DNAH14: variants seen among roughly 807,000 people sequenced by gnomAD.
DNAH14 encodes the protein axonemal beta dynein heavy chain 14.
Under a neutral mutation model 520.9 loss-of-function variants are expected in DNAH14, and 478 were observed. That is an observed-to-expected ratio of 0.92 (90% CI 0.85 to 0.99). DNAH14 has a LOEUF of 0.99. Among genes scored for constraint, DNAH14 ranks in the 50% least tolerant of loss-of-function variants. The pLI is 0.00. For missense variants in DNAH14, 4,831 were observed against 5,234.5 expected (o/e 0.92, Z 2.38); for synonymous variants, 1,581 against 1,757.2 (o/e 0.90, Z 2.51).
rs981411847 is a variant in DNAH14, at chr1:225,388,627, T to G, written c.13190+136T>G. On this transcript the variant is annotated intron_variant, in intron 82 of 85. Coordinates refer to ENST00000682510, the MANE Select transcript of DNAH14 (RefSeq NM_001367479.1). ...ATTAAGCAAGGGAGGGATTCTTATC[T>G]TCTGTTTGAGCTGAGAAAGTGGGGA... The G allele has an allele frequency of 1.3e-5, 7 of 533,336 alleles. 1 individual carries two copies. The highest frequency in any genetic ancestry group is 2.0e-5 in the Non-Finnish European group (6 of 299,894). 33.0% of individuals were successfully genotyped at this position (533,336 alleles called of 1,614,324 possible).
intron 41 of DNAH14, among the ~76,000 whole-genome samples, chr1:225,216,654 A>G (rs1345326585): frequency 6.6e-5 from 10 of 151,986 alleles, no homozygotes; most frequent in Admixed American, 6.6e-4. Context: ...TTGATCTTCA[A>G]TCAGTTATAC....
In DNAH14 at chr1:225,034,061, C is replaced by T. The variant is rs146901321; in HGVS notation, c.1359-4633C>T. 7.0e-3 allele frequency among the ~76,000 whole-genome samples: 1,062 copies of T among 152,268 alleles called. 8 individuals carry two copies. The highest frequency in any genetic ancestry group is 0.024 in the African/African-American group (994 of 41,552). ...ATTTGGATGCACTTTATTTCTTTCTCTTGCCTGATTGCTCTGGCCAGAACT... is the reference window on the plus strand; with the variant it reads ...ATTTGGATGCACTTTATTTCTTTCTTTTGCCTGATTGCTCTGGCCAGAACT... On this transcript the variant is annotated intron_variant, in intron 11 of 85. Coordinates refer to ENST00000682510, the MANE Select transcript of DNAH14 (RefSeq NM_001367479.1).
rs560245762 is a variant in DNAH14 at position 225,129,142 on chromosome 1, A to G, written c.4254+5528A>G. On this transcript the variant is annotated intron_variant, in intron 27 of 85. Coordinates refer to ENST00000682510, the MANE Select transcript of DNAH14 (RefSeq NM_001367479.1). Reference sequence around the variant, plus strand: ...GAAGGACCTCTTCAAGGAGAACTACAAACCACTGCTCAATGAAATAAAAGA... The same window carrying G: ...GAAGGACCTCTTCAAGGAGAACTACGAACCACTGCTCAATGAAATAAAAGA... Among the ~76,000 whole-genome samples the G allele has an allele frequency of 9.0e-4, 137 of 152,056 alleles. No individual in the cohort carries two copies. The Middle Eastern group carries it at 0.031, about 34-fold the overall frequency.
chr1:225,354,975 G>A (rs143455356), intron 73 of DNAH14, among the ~76,000 whole-genome samples: 1 of 152,226 alleles, frequency 6.6e-6, no homozygotes, highest in African/African-American at 2.4e-5. Context: ...GTTTTGTTTG[G>A]TTTTTTACAA....
chr1:225,246,100 C>A (rs2092264999), intron 43 of DNAH14, among the ~76,000 whole-genome samples: 2 of 131,802 alleles, frequency 1.5e-5, no homozygotes, highest in Admixed American at 1.7e-4. Flanking sequence ...CTTCGACAAA[C>A]CTGGCAAAAA....
Position 225,109,033 on chromosome 1 carries a change from G to A in DNAH14, c.3867+8149G>A, listed in dbSNP as rs151087966. Among the ~76,000 whole-genome samples the A allele has an allele frequency of 5.7e-3, 867 of 152,164 alleles. 11 individuals carry two copies. Among genetic ancestry groups the A allele is most frequent in the African/African-American group, 0.019 (801 of 41,528 alleles). ...AAAAATGAGTTCACTGTAGATGTAC[G>A]GATTCGTTTCTGGATTTCTCATTCT... On this transcript the variant is annotated intron_variant, in intron 23 of 85. Transcript: ENST00000682510.
At chr1:225,195,718 G>A (rs1399899478) in intron 38 of DNAH14, among the ~76,000 whole-genome samples, 1 of 151,566 alleles carries the variant, frequency 6.6e-6, no homozygotes, top group African/African-American at 2.4e-5. Flanking sequence ...ATAGAAAATC[G>A]ATAGAAAAAT....
At chr1:225,324,094 G>T in intron 62 of DNAH14, 128 bp from the exon 63 acceptor site, 1 of 1,177,726 alleles carries the variant, frequency 8.5e-7, no homozygotes, top group South Asian at 1.6e-5. Flanking sequence ...GGGTTTATAG[G>T]CATGAGCCGC....
At chr1:225,239,675 T>A (rs961874840) in intron 42 of DNAH14, among the ~76,000 whole-genome samples, 1 of 152,220 alleles carries the variant, frequency 6.6e-6, no homozygotes, top group African/African-American at 2.4e-5. Context: ...TTGTTTAGCA[T>A]TAATTTTCCT....
At chr1:225,377,019 A>G (rs1231558136) in intron 78 of DNAH14, among the ~76,000 whole-genome samples, 1 of 151,756 alleles carries the variant, frequency 6.6e-6, no homozygotes, top group African/African-American at 2.4e-5. Context: ...ATACATGCAT[A>G]TCATATGCAC....
intron 11 of DNAH14, among the ~76,000 whole-genome samples, chr1:225,025,364 C>T (rs1348019460): frequency 6.6e-6 from 1 of 151,108 alleles, no homozygotes; most frequent in Non-Finnish European, 1.5e-5. Flanking sequence ...TTTGTGGAGT[C>T]AGACCACATG....
intron 21 of DNAH14, among the ~76,000 whole-genome samples, chr1:225,094,818 CA>C (rs140729760): frequency 7.2e-3 from 661 of 91,180 alleles, no homozygotes; most frequent in Middle Eastern, 0.013. Context: ...CATTTACAGG[CA>C]AAAAAAAAAA....
At chr1:224,929,662 G>A (rs1571805421), upstream of DNAH14, 1 of 702,358 alleles carries the variant, frequency 1.4e-6, no homozygotes, top group South Asian at 1.5e-5. Flanking sequence ...CCAGGGCGCA[G>A]GCGTGGCTCT....
At chr1:224,994,590 A>C (rs556200714) in intron 8 of DNAH14, among the ~76,000 whole-genome samples, 1 of 152,154 alleles carries the variant, frequency 6.6e-6, no homozygotes, top group Non-Finnish European at 1.5e-5. Context: ...AGTGTCTTGC[A>C]GGCAGCCTAT....
intron 22 of DNAH14, among the ~76,000 whole-genome samples, chr1:225,098,775 A>T (rs1017017703): frequency 1.3e-5 from 2 of 152,220 alleles, no homozygotes; most frequent in Non-Finnish European, 1.5e-5. Context: ...ACTACCTTTT[A>T]CTAAAGATTA....
At chr1:225,180,614 G>A (rs1046328967) in intron 36 of DNAH14, among the ~76,000 whole-genome samples, 8 of 152,030 alleles carry the variant, frequency 5.3e-5, no homozygotes, top group Non-Finnish European at 8.8e-5. Flanking sequence ...TCACCCCTGA[G>A]GGAAGGCATT....
rs1260901466 is a variant in DNAH14 at position 225,392,394 on chromosome 1, T to A, written c.13434T>A (p.Asp4478Glu). Residue 4478 changes from aspartate (D) to glutamate (E), a missense_variant, in exon 84 of 86, where the codon GAT becomes GAA. By Grantham distance (45) the Asp-to-Glu change is conservative. Transcript: ENST00000682510. ...HHVISNTTDK[D>E]EKFSVFMPKK... is the part of the protein sequence containing the mutation. ...TGATTTCCAACACCACTGACAAGGA[T>A]GAGAAGTTCTCCGTATTTATGCCAA... 8 of 1,552,016 alleles carry A rather than the reference T, an allele frequency of 5.2e-6. No homozygotes were observed. The highest frequency in any genetic ancestry group is 5.2e-6 in the Non-Finnish European group (6 of 1,147,100).
chr1:225,145,683 CAATT>C (rs1381093603), intron 30 of DNAH14, among the ~76,000 whole-genome samples: 3 of 152,132 alleles, frequency 2.0e-5, no homozygotes, highest in Admixed American at 6.5e-5. Context: ...ATATATAAAA[CAATT>C]AAAGAGTACT....
intron 9 of DNAH14, among the ~76,000 whole-genome samples, chr1:225,004,027 G>A (rs1200151612): frequency 1.3e-5 from 2 of 152,038 alleles, no homozygotes; most frequent in African/African-American, 4.8e-5. Context: ...GAAATGTTAG[G>A]ACTCTTTCCT....
Sources: gnomAD v4.1 joint callset for allele counts (sites outside exome capture counted in the v4.1 genomes callset) on GRCh38, gnomAD v4.1.1 for gene constraint, MANE v1.5 for transcripts, NCBI Gene and HGNC (gene_info 2026-07-23, HGNC 2026-07-21) for gene names.